Variants in PPFIA2 observed in about 807,000 individuals in gnomAD.
PPFIA2 encodes the protein liprin-alpha-2.
In PPFIA2, 46 loss-of-function variants were observed where a neutral mutation model predicts 175.5. That is an observed-to-expected ratio of 0.26 (90% CI 0.21 to 0.34). The LOEUF (loss-of-function observed/expected upper bound fraction) is 0.34. Among genes scored for constraint, PPFIA2 ranks in the 10% least tolerant of loss-of-function variants. PPFIA2 has a pLI of 1.00. For synonymous variants in PPFIA2, 568 were observed against 511.4 expected, an observed-to-expected ratio of 1.11 and a Z score of -1.49; for missense variants, 1,179 against 1,506.1, an observed-to-expected ratio of 0.78 and a Z score of 3.60.
chr12:81,325,083 A>C lies in PPFIA2; in HGVS notation c.2642+694T>G, dbSNP rs80223833. Among the ~76,000 whole-genome samples, 211 of 152,212 alleles carry C rather than the reference A, an allele frequency of 1.4e-3. 4 individuals carry two copies. In the East Asian group the frequency reaches 0.028, roughly 20 times the overall value. ...ACAATGTAAGGAATATTTGAGAAGAAGGAAAAGAAATAATCAACCAATAGA... is the reference window on the plus strand; with the variant it reads ...ACAATGTAAGGAATATTTGAGAAGACGGAAAAGAAATAATCAACCAATAGA... On this transcript the variant is annotated intron_variant, in intron 22 of 32. Coordinates refer to ENST00000549396, the MANE Select transcript of PPFIA2 (RefSeq NM_003625.5).
At chr12:81,708,365 G>A (rs1442719321) in intron 3 of PPFIA2, among the ~76,000 whole-genome samples, 1 of 151,996 alleles carries the variant, frequency 6.6e-6, no homozygotes, top group Non-Finnish European at 1.5e-5. Flanking sequence ...CCAAACTAAA[G>A]ATATGGAGAC....
chr12:81,334,528 T>G lies in PPFIA2; in HGVS notation c.2548+4652A>C, dbSNP rs1340781303. ...AATAAATCTCCTCAACTCTGGGTCA[T>G]AAATGCCCTCTTGGTAATGCCTATA... On this transcript the variant is annotated intron_variant, in intron 21 of 32. Transcript: ENST00000549396. 4.0e-5 allele frequency among the ~76,000 whole-genome samples: 6 copies of G among 151,554 alleles called. No homozygotes were observed. In the South Asian group the frequency reaches 1.3e-3, roughly 32 times the overall value.
chr12:81,606,394 A>G (rs2060318543), intron 4 of PPFIA2, among the ~76,000 whole-genome samples: 2 of 152,086 alleles, frequency 1.3e-5, no homozygotes, highest in African/African-American at 4.8e-5. Flanking sequence ...AAATATCTCC[A>G]AACTGCTTTT....
At position 81,384,174 on chromosome 12, in the gene PPFIA2, T is replaced by G. The variant is rs1237800319; in HGVS notation, c.833A>C (p.Glu278Ala). 5.0e-6 allele frequency: 8 copies of G among 1,611,102 alleles called. No individual in the cohort carries two copies. Among genetic ancestry groups the G allele is most frequent in the Non-Finnish European group, 6.8e-6 (8 of 1,178,292 alleles). Residue 278 changes from glutamate (E) to alanine (A), a missense_variant, in exon 9 of 33, where the codon GAA (glutamate) becomes GCA (alanine). Around this residue, in one of 10 missense-constraint regions of PPFIA2, gnomAD observed 226 missense variants for 216.6 expected, o/e 1.04. Coordinates refer to ENST00000549396, the MANE Select transcript of PPFIA2 (RefSeq NM_003625.5). ...SQIVELQELL[E>A]KQNYEMAQMK... ...CTGGGCCATTTCATAGTTTTGCTTT[T>G]CAAGCAATTCTTGTAGTTCAACTAT... is the stretch of plus-strand genomic sequence containing the variant.
chr12:81,301,895 C>T (rs1385604202), intron 22 of PPFIA2, among the ~76,000 whole-genome samples: 1 of 152,082 alleles, frequency 6.6e-6, no homozygotes, highest in Non-Finnish European at 1.5e-5. Flanking sequence ...CCATTGTTTG[C>T]TTTATTTTTC....
chr12:81,740,651 T>C (rs888275169), intron 3 of PPFIA2, among the ~76,000 whole-genome samples: 3 of 152,162 alleles, frequency 2.0e-5, no homozygotes, highest in Non-Finnish European at 2.9e-5. Flanking sequence ...GCATATAGAA[T>C]TTCTCATCAA....
intron 4 of PPFIA2, among the ~76,000 whole-genome samples, chr12:81,527,325 A>G (rs1318476022): frequency 1.3e-5 from 2 of 151,890 alleles, no homozygotes; most frequent in Non-Finnish European, 2.9e-5. Context: ...TCCATTTTCT[A>G]ACACTAGGTA....
At chr12:81,485,332 T>A (rs1410543638) in intron 4 of PPFIA2, among the ~76,000 whole-genome samples, 1 of 151,786 alleles carries the variant, frequency 6.6e-6, no homozygotes, top group African/African-American at 2.4e-5. Context: ...AGTCTTTTTT[T>A]AACTCCTTAA....
chr12:81,682,848 G>T (rs1294771719), intron 3 of PPFIA2, among the ~76,000 whole-genome samples: 3 of 151,876 alleles, frequency 2.0e-5, no homozygotes, highest in African/African-American at 7.3e-5. Flanking sequence ...AATTTTTCAT[G>T]TTCTGTCATC....
chr12:81,737,256 A>AGAGATGGGAG (rs149070524), intron 3 of PPFIA2, among the ~76,000 whole-genome samples: 1,973 of 152,082 alleles, frequency 0.013, 38 homozygotes, highest in African/African-American at 0.044. Context: ...ACAAGGCTGA[A>AGAGATGGGAG]GAGATGGGAA....
chr12:81,271,041 A>G (rs2038939421), intron 28 of PPFIA2, among the ~76,000 whole-genome samples: 1 of 152,160 alleles, frequency 6.6e-6, no homozygotes. Flanking sequence ...TCATTTACTA[A>G]TAAGTTTTCT....
At chr12:81,402,495 T>C (rs1455065462) in intron 8 of PPFIA2, among the ~76,000 whole-genome samples, 1 of 152,120 alleles carries the variant, frequency 6.6e-6, no homozygotes, top group African/African-American at 2.4e-5. Context: ...GGAGTATTTA[T>C]ATAAGGACAA....
chr12:81,288,261 G>A (rs1162193421), intron 24 of PPFIA2, among the ~76,000 whole-genome samples: 2 of 151,730 alleles, frequency 1.3e-5, no homozygotes, highest in African/African-American at 4.8e-5. Flanking sequence ...ACAGGGCTGG[G>A]ACTAGGATGA....
intron 7 of PPFIA2, among the ~76,000 whole-genome samples, chr12:81,433,225 A>G (rs2144617738): frequency 6.6e-6 from 1 of 152,206 alleles, no homozygotes; most frequent in South Asian, 2.1e-4. Context: ...GATTTTCTTA[A>G]TCATTCTGTC....
At chr12:81,493,133 T>C (rs2059596012) in intron 4 of PPFIA2, among the ~76,000 whole-genome samples, 1 of 152,074 alleles carries the variant, frequency 6.6e-6, no homozygotes. Context: ...TAGGAATCAG[T>C]TTTTGATGCG....
At chr12:81,663,021 C>T (rs1203472022) in intron 4 of PPFIA2, among the ~76,000 whole-genome samples, 1 of 152,202 alleles carries the variant, frequency 6.6e-6, no homozygotes, top group Non-Finnish European at 1.5e-5. Context: ...GCTAAAAACT[C>T]TCAATAAATT....
chr12:81,425,954 A>G (rs1032583592), intron 7 of PPFIA2, among the ~76,000 whole-genome samples: 2 of 152,192 alleles, frequency 1.3e-5, no homozygotes, highest in Non-Finnish European at 2.9e-5. Flanking sequence ...ATTTGACCTT[A>G]CCCAAAGGAG....
intron 21 of PPFIA2, among the ~76,000 whole-genome samples, chr12:81,332,244 G>A (rs2056273447): frequency 6.6e-6 from 1 of 151,896 alleles, no homozygotes. Flanking sequence ...CTGTGGCTGG[G>A]TAACTTGATC....
chr12:81,680,659 A>G (rs1327644440), intron 3 of PPFIA2, among the ~76,000 whole-genome samples: 1 of 151,900 alleles, frequency 6.6e-6, no homozygotes, highest in Non-Finnish European at 1.5e-5. Context: ...CTAGTGAGGC[A>G]TGGGACTTCC....
Sources: gnomAD v4.1 joint callset for allele counts (sites outside exome capture counted in the v4.1 genomes callset) on GRCh38, gnomAD v4.1.1 for gene constraint, gnomAD v4.1.1 regional missense constraint, MANE v1.5 for transcripts, NCBI Gene and HGNC (gene_info 2026-07-23, HGNC 2026-07-21) for gene names.